Variants in UVRAG observed in about 807,000 individuals in gnomAD.
UVRAG encodes the protein UV radiation resistance-associated gene protein.
In UVRAG, 19 loss-of-function variants were observed where a neutral mutation model predicts 78.0. That is an observed-to-expected ratio of 0.24 (90% CI 0.17 to 0.36). The LOEUF (loss-of-function observed/expected upper bound fraction) is 0.36, where lower values mean the gene tolerates loss of function less well. Among genes scored for constraint, UVRAG ranks in the 10% least tolerant of loss-of-function variants. The pLI, the probability that UVRAG is intolerant of heterozygous loss-of-function variation, is 1.00. For missense variants in UVRAG, 740 were observed against 853.8 expected (o/e 0.87, Z 1.66); for synonymous variants, 323 against 324.6 (o/e 1.00, Z 0.05).
chr11:75,843,804 C>A (rs1945969518), intron 1 of UVRAG, among the ~76,000 whole-genome samples: 1 of 151,910 alleles, frequency 6.6e-6, no homozygotes, highest in Admixed American at 6.6e-5. Flanking sequence ...ACAAAAGATA[C>A]AAAAATTACC....
At chr11:76,140,087 C>T in intron 14 of UVRAG, among the ~76,000 whole-genome samples, 1 of 26,764 alleles carries the variant, frequency 3.7e-5, no homozygotes, top group African/African-American at 2.2e-4. Context: ...CCCTCCCCCT[C>T]TCCCCCTCCC....
intron 7 of UVRAG, among the ~76,000 whole-genome samples, chr11:75,976,395 G>A (rs1404732759): frequency 2.0e-5 from 3 of 152,184 alleles, no homozygotes; most frequent in Non-Finnish European, 2.9e-5. Flanking sequence ...ATGAGTTAGG[G>A]AGGATTCCCT....
In UVRAG at chr11:75,969,482, A is replaced by G. The variant is rs568476653; in HGVS notation, c.699+7933A>G. Among the ~76,000 whole-genome samples, 9 of 152,260 alleles carry G rather than the reference A, an allele frequency of 5.9e-5. No individual in the cohort carries two copies. In the East Asian group the frequency reaches 7.7e-4, roughly 13 times the overall value. On this transcript the variant is annotated intron_variant, in intron 7 of 14. Coordinates refer to ENST00000356136, the MANE Select transcript of UVRAG (RefSeq NM_003369.4). ...GGGGTGGCAGGGCAAAATGGCTTTTATCTCCAGTAGACCTAAATTCATAGA... is the reference window on the plus strand; with the variant it reads ...GGGGTGGCAGGGCAAAATGGCTTTTGTCTCCAGTAGACCTAAATTCATAGA...
At chr11:76,078,625 C>T (rs775893250) in intron 13 of UVRAG, among the ~76,000 whole-genome samples, 14 of 151,406 alleles carry the variant, frequency 9.2e-5, no homozygotes, top group African/African-American at 3.4e-4. Flanking sequence ...AAGGTTAGAC[C>T]GGGTGCGGTG....
At chr11:75,829,403 A>G (rs962821611) in intron 1 of UVRAG, among the ~76,000 whole-genome samples, 3 of 152,252 alleles carry the variant, frequency 2.0e-5, no homozygotes, top group African/African-American at 7.2e-5. Flanking sequence ...TCTTCTCTTC[A>G]TTAAGGTATC....
At chr11:76,108,116 T>G (rs1317952402) in intron 13 of UVRAG, among the ~76,000 whole-genome samples, 1 of 152,106 alleles carries the variant, frequency 6.6e-6, no homozygotes. Flanking sequence ...GCAGCTTAGC[T>G]CAGGCCACAT....
At chr11:75,964,931 T>A (rs1382688174) in intron 7 of UVRAG, among the ~76,000 whole-genome samples, 1 of 152,268 alleles carries the variant, frequency 6.6e-6, no homozygotes, top group African/African-American at 2.4e-5. Context: ...GTGCATCTAT[T>A]TCTGGATTTT....
At chr11:76,006,257 T>G (rs1196880539) in intron 9 of UVRAG, among the ~76,000 whole-genome samples, 1 of 152,194 alleles carries the variant, frequency 6.6e-6, no homozygotes, top group South Asian at 2.1e-4. Context: ...TATACTTTGA[T>G]CTACAGTTTC....
intron 1 of UVRAG, among the ~76,000 whole-genome samples, chr11:75,834,386 T>A (rs1945733152): frequency 6.6e-6 from 1 of 152,170 alleles, no homozygotes; most frequent in Non-Finnish European, 1.5e-5. Context: ...CACTTCTGGA[T>A]GTTCATTTGT....
At chr11:76,110,211 C>CAT (rs10526191) in intron 13 of UVRAG, among the ~76,000 whole-genome samples, 6,898 of 136,460 alleles carry the variant, frequency 0.051, 339 homozygotes, top group Admixed American at 0.15. Context: ...ATATCTGGTA[C>CAT]ATATATATAT....
chr11:75,950,692 C>G (rs1034735107), intron 6 of UVRAG, among the ~76,000 whole-genome samples: 3 of 152,150 alleles, frequency 2.0e-5, no homozygotes, highest in Admixed American at 1.3e-4. Context: ...TCCAGTTGCT[C>G]TACCTCTTGC....
chr11:76,070,907 G>T (rs1274768237), intron 13 of UVRAG, among the ~76,000 whole-genome samples: 1 of 152,098 alleles, frequency 6.6e-6, no homozygotes, highest in East Asian at 1.9e-4. Flanking sequence ...GGAAATAGGT[G>T]GTGACAACCA....
chr11:75,868,134 C>T (rs898036542), intron 3 of UVRAG, among the ~76,000 whole-genome samples: 2 of 152,134 alleles, frequency 1.3e-5, no homozygotes, highest in African/African-American at 4.8e-5. Context: ...GAGTACCTGC[C>T]AGGGGAGATT....
chr11:75,900,605 T>C (rs542061951), intron 5 of UVRAG, among the ~76,000 whole-genome samples: 145 of 152,310 alleles, frequency 9.5e-4, no homozygotes, highest in Non-Finnish European at 1.2e-3. Context: ...ATCACGTTGT[T>C]CCCATCTCTG....
chr11:75,857,489 C>CA (rs1946316712), intron 2 of UVRAG, among the ~76,000 whole-genome samples: 2 of 149,932 alleles, frequency 1.3e-5, no homozygotes, highest in African/African-American at 4.9e-5. Context: ...CTTTCTTTTT[C>CA]CCCCCCCCTT....
At chr11:76,084,273 A>T (rs1951546205) in intron 13 of UVRAG, among the ~76,000 whole-genome samples, 2 of 152,216 alleles carry the variant, frequency 1.3e-5, no homozygotes, top group South Asian at 4.1e-4. Context: ...GATAACATGA[A>T]CGCTAATGCA....
intron 12 of UVRAG, among the ~76,000 whole-genome samples, chr11:76,024,145 A>G (rs924743022): frequency 6.6e-6 from 1 of 152,202 alleles, no homozygotes; most frequent in African/African-American, 2.4e-5. Flanking sequence ...TCAGACTTTA[A>G]AATTAGTTAT....
At chr11:75,955,589 T>C (rs144978271) in intron 6 of UVRAG, among the ~76,000 whole-genome samples, 116 of 152,308 alleles carry the variant, frequency 7.6e-4, no homozygotes, top group African/African-American at 2.7e-3. Context: ...TGAGTTTTGG[T>C]GTACTCCTTA....
At chr11:76,118,902 A>G (rs1183571572) in intron 14 of UVRAG, among the ~76,000 whole-genome samples, 5 of 152,222 alleles carry the variant, frequency 3.3e-5, no homozygotes, top group African/African-American at 1.2e-4. Context: ...ATAAGATAGG[A>G]GGAAGTATCT....
Sources: gnomAD v4.1 joint callset for allele counts (sites outside exome capture counted in the v4.1 genomes callset) on GRCh38, gnomAD v4.1.1 for gene constraint, MANE v1.5 for transcripts, NCBI Gene and HGNC (gene_info 2026-07-23, HGNC 2026-07-21) for gene names.